Variants in DNPEP observed in about 807,000 individuals in gnomAD.
The protein encoded by DNPEP is aspartyl aminopeptidase.
Under a neutral mutation model 59.1 loss-of-function variants are expected in DNPEP, and 46 were observed. The ratio of observed to expected loss-of-function variants is 0.78; its 90% CI spans 0.61 to 0.99. DNPEP has a LOEUF of 0.99. Ranked by LOEUF, DNPEP falls within the 50% of genes least tolerant of loss-of-function variation. The pLI is 0.00. For synonymous variants in DNPEP, 229 were observed against 242.2 expected (o/e 0.95, Z 0.50); for missense variants, 617 against 649.9 (o/e 0.95, Z 0.55).
In DNPEP at chr2:219,385,794, A is replaced by C. The variant is rs753869174; in HGVS notation, c.591-88T>G. The C allele has an allele frequency of 1.0e-5, 14 of 1,402,420 alleles. No homozygotes were observed. In the East Asian group the frequency reaches 3.5e-4, roughly 35 times the overall value. 86.9% of individuals were successfully genotyped at this position (1,402,420 alleles called of 1,614,324 possible). A position where few individuals can be genotyped will look rare whatever the true frequency, so the allele number is the denominator to read the frequency against. ...AAGTTCAGGTGCCTCCTGATGGGCAACTGCCTCTGCCCTTCAATTCCCAGC... is the reference window on the plus strand; with the variant it reads ...AAGTTCAGGTGCCTCCTGATGGGCACCTGCCTCTGCCCTTCAATTCCCAGC... On this transcript the variant is annotated intron_variant, in intron 6 of 14. Transcript: ENST00000273075.
chr2:219,385,679 C>T lies in DNPEP; in HGVS notation c.618G>A (p.Gln206=), dbSNP rs1482678231. The T allele has an allele frequency of 3.7e-6, 6 of 1,608,332 alleles. No homozygotes were observed. The South Asian group carries it at 6.7e-5, about 18-fold the overall frequency. The part of the protein sequence containing the change: ...HLVPILATAI[Q]EELEKGTPEP... Reference sequence around the variant, plus strand: ...CAGGAGTCCCCTTCTCCAGCTCCTCCTGGATGGCTGTGGCAAGAATGGGGA... The same window carrying T: ...CAGGAGTCCCCTTCTCCAGCTCCTCTTGGATGGCTGTGGCAAGAATGGGGA... The change falls in exon 7 of 15, where the codon CAG becomes CAA. Residue 206 remains glutamine, a synonymous_variant. Coordinates refer to ENST00000273075, the MANE Select transcript of DNPEP (RefSeq NM_012100.4).
In DNPEP at chr2:219,374,283, C is replaced by T. The variant is rs757338684; in HGVS notation, c.*9G>A. 6 of 1,613,412 alleles carry T rather than the reference C, an allele frequency of 3.7e-6. No individual in the cohort carries two copies. The African/African-American group carries it at 5.3e-5, about 14-fold the overall frequency. On this transcript the variant is annotated 3_prime_UTR_variant, in exon 15 of 15. Coordinates refer to ENST00000273075, the MANE Select transcript of DNPEP (RefSeq NM_012100.4). ...CAAAGGGATGGCAGAGAAGTCTTTCCAAGAGGGCTCAATCCACTAAGAGAT... is the reference window on the plus strand; with the variant it reads ...CAAAGGGATGGCAGAGAAGTCTTTCTAAGAGGGCTCAATCCACTAAGAGAT...
rs764237599 is a variant in DNPEP, at chr2:219,383,141, T to C, written c.926A>G (p.Asp309Gly). ...EPHVRMVTLY[D>G]NEEVGSESAQ... The stretch of plus-strand genomic sequence containing the variant: ...GAACCCTCCACGTACCTCTTCGTTG[T>C]CATAGAGTGTGACCATGCGCACGTG... Residue 309 changes from aspartate to glycine, a missense_variant, in exon 10 of 15, where the codon GAC (aspartate) becomes GGC (glycine). By Grantham distance (94) the Asp-to-Gly change is moderately conservative. Transcript: ENST00000273075. 7.4e-6 allele frequency: 12 copies of C among 1,614,122 alleles called. No individual in the cohort carries two copies. Among genetic ancestry groups the C allele is most frequent in the Non-Finnish European group, 1.0e-5 (12 of 1,179,976 alleles).
At chr2:219,376,497 AAAG>A (rs1953379022) in intron 13 of DNPEP, among the ~76,000 whole-genome samples, 1 of 151,926 alleles carries the variant, frequency 6.6e-6, no homozygotes, top group African/African-American at 2.4e-5. Context: ...AAAAAAAAAA[AAAG>A]AAAAAGAAAA....
At chr2:219,380,879 G>C (rs1012935817) in intron 13 of DNPEP, among the ~76,000 whole-genome samples, 4 of 22,200 alleles carry the variant, frequency 1.8e-4, no homozygotes, top group African/African-American at 3.0e-4. Flanking sequence ...GAAAGGACTA[G>C]ATGTCTAATT....
chr2:219,395,099 C>T (rs1252595897), intron 1 of DNPEP, among the ~76,000 whole-genome samples: 2 of 152,036 alleles, frequency 1.3e-5, no homozygotes, highest in Non-Finnish European at 1.5e-5. Context: ...CAGACATGCA[C>T]CACCATGCCC....
rs1314333644 is a variant in DNPEP, at chr2:219,385,326, G to A, written c.774+98C>T. ...GAAAAACGGGGATGAGAGTTACTGA[G>A]GGCTTGGTGGAGGTGATGGGTGCTT... On this transcript the variant is annotated intron_variant, in intron 8 of 14. Transcript: ENST00000273075. 6.8e-6 allele frequency: 5 copies of A among 732,530 alleles called. No homozygotes were observed. The East Asian group carries it at 1.3e-4, about 20-fold the overall frequency. 45.4% of individuals were successfully genotyped at this position (732,530 alleles called of 1,614,324 possible). A position where few individuals can be genotyped will look rare whatever the true frequency, so the allele number is the denominator to read the frequency against.
chr2:219,397,548 C>T (rs1475178385), intron 1 of DNPEP, among the ~76,000 whole-genome samples: 1 of 152,080 alleles, frequency 6.6e-6, no homozygotes, highest in African/African-American at 2.4e-5. Flanking sequence ...ACAAGGAGTT[C>T]AGATTAAGAC....
At chr2:219,381,200 C>T in intron 13 of DNPEP, 135 bp downstream of exon 13, 1 of 774,778 alleles carries the variant, frequency 1.3e-6, no homozygotes, top group Middle Eastern at 3.8e-4. Context: ...TCCAAAATCC[C>T]TGCTTTTCTC....
chr2:219,395,870 A>C (rs1954088170), intron 1 of DNPEP, among the ~76,000 whole-genome samples: 1 of 152,206 alleles, frequency 6.6e-6, no homozygotes, highest in African/African-American at 2.4e-5. Flanking sequence ...TGTGACATGT[A>C]ATCAATTTTA....
At chr2:219,392,377 C>T (rs556441835), upstream of DNPEP, among the ~76,000 whole-genome samples, 23 of 150,202 alleles carry the variant, frequency 1.5e-4, no homozygotes, top group Non-Finnish European at 4.4e-5. Context: ...GACGGAGTCT[C>T]GCTCTGTTGC....
At chr2:219,388,663 G>A, upstream of DNPEP, 1 of 984,546 alleles carries the variant, frequency 1.0e-6, no homozygotes, top group Non-Finnish European at 1.2e-6. Flanking sequence ...CCGTGCCCCG[G>A]GCCTCGAGGC....
intron 13 of DNPEP, among the ~76,000 whole-genome samples, chr2:219,376,273 A>G (rs1484317616): frequency 6.6e-6 from 1 of 152,136 alleles, no homozygotes; most frequent in African/African-American, 2.4e-5. Flanking sequence ...AGATCACATG[A>G]TTCCAGGAGT....
upstream of DNPEP, among the ~76,000 whole-genome samples, chr2:219,390,107 C>T (rs561469856): frequency 2.2e-4 from 33 of 152,160 alleles, no homozygotes; most frequent in South Asian, 8.3e-4. Context: ...TGGTGGCTCA[C>T]GCCTGTCATC....
At chr2:219,378,038 T>C (rs944563694) in intron 13 of DNPEP, among the ~76,000 whole-genome samples, 5 of 151,842 alleles carry the variant, frequency 3.3e-5, no homozygotes, top group African/African-American at 1.2e-4. Context: ...AAAAAGTGTA[T>C]ATGAAGTTTA....
chr2:219,393,179 C>A (rs546094266), upstream of DNPEP, among the ~76,000 whole-genome samples: 26 of 152,320 alleles, frequency 1.7e-4, no homozygotes, highest in Non-Finnish European at 2.9e-4. Flanking sequence ...TCAAAAAAAT[C>A]TCATAATGTT....
At position 219,373,697 on chromosome 2, in the gene DNPEP, A is replaced by G. The variant is rs978988013; in HGVS notation, c.*595T>C. 6.6e-6 allele frequency: 1 copy of G among 152,296 alleles called. No individual in the cohort carries two copies. The highest frequency in any genetic ancestry group is 2.4e-5 in the African/African-American group (1 of 41,428). 9.4% of individuals were successfully genotyped at this position (152,296 alleles called of 1,614,324 possible). On this transcript the variant is annotated 3_prime_UTR_variant, in exon 15 of 15. Transcript: ENST00000273075. ...GACTTTTCCAATTTTTTCAATGATA[A>G]TCTTTTTTCCTGATAATATGTTCAC...
rs1409873798 is a variant in DNPEP, at chr2:219,387,896, G to A, written c.-102C>T. 15 of 1,405,750 alleles carry A rather than the reference G, an allele frequency of 1.1e-5. No homozygotes were observed. Among genetic ancestry groups the A allele is most frequent in the African/African-American group, 3.1e-5 (2 of 63,884 alleles). 87.1% of individuals were successfully genotyped at this position (1,405,750 alleles called of 1,614,324 possible). A position where few individuals can be genotyped will look rare whatever the true frequency, so the allele number is the denominator to read the frequency against. ...CCCTTCAGGCCGCGCCGCACTCGTA[G>A]GCCTTCATCACGCTTCCCCGGCCGC... On this transcript the variant is annotated 5_prime_UTR_variant, in exon 1 of 15. Transcript: ENST00000273075.
upstream of DNPEP, among the ~76,000 whole-genome samples, chr2:219,393,093 T>C (rs1464422401): frequency 6.6e-6 from 1 of 152,138 alleles, no homozygotes; most frequent in African/African-American, 2.4e-5. Flanking sequence ...CTGGGCCACA[T>C]TGGAAGAAGT....
Sources: allele counts gnomAD v4.1 joint callset (sites outside exome capture counted in the v4.1 genomes callset), GRCh38; gene constraint gnomAD v4.1.1; transcripts MANE v1.5; gene names NCBI Gene and HGNC (gene_info 2026-07-23, HGNC 2026-07-21).